RBFOX1: variants seen among roughly 807,000 people sequenced by gnomAD.
RBFOX1 encodes the protein RNA binding protein fox-1 homolog 1.
RBFOX1 carries 8 observed loss-of-function variants against 57.7 expected under a neutral mutation model. The ratio of observed to expected loss-of-function variants is 0.14; its 90% CI spans 0.08 to 0.25. The LOEUF (loss-of-function observed/expected upper bound fraction) is 0.25, where lower values mean the gene tolerates loss of function less well. Ranked by LOEUF, RBFOX1 falls within the 10% of genes least tolerant of loss-of-function variation. The probability of loss-of-function intolerance (pLI) is 1.00; values close to 1 mark genes in which losing one functional copy is unlikely to be tolerated. For missense variants in RBFOX1, 611 were observed against 548.5 expected (o/e 1.11, Z -1.14); for synonymous variants, 326 against 222.4 (o/e 1.47, Z -4.15).
At chr16:7,526,877 A>T (rs1266888011) in intron 5 of RBFOX1, among the ~76,000 whole-genome samples, 1 of 152,210 alleles carries the variant, frequency 6.6e-6, no homozygotes, top group Non-Finnish European at 1.5e-5. Context: ...GCTCAAAAAC[A>T]GGCATGTCAG....
At chr16:5,816,910 C>T (rs999834995) in intron 3 of RBFOX1, among the ~76,000 whole-genome samples, 1 of 152,034 alleles carries the variant, frequency 6.6e-6, no homozygotes, top group East Asian at 1.9e-4. Context: ...TATGGAGTAC[C>T]TGAGATGTGT....
chr16:5,650,994 C>G (rs2049217110), intron 3 of RBFOX1, among the ~76,000 whole-genome samples: 1 of 149,844 alleles, frequency 6.7e-6, no homozygotes. Flanking sequence ...TGTCCCTTCT[C>G]CCTCTCCCTT....
rs185769503 is a variant in RBFOX1, at chr16:6,295,147, C to T, written c.-126-21848C>T. 5.0e-3 allele frequency among the ~76,000 whole-genome samples: 636 copies of T among 128,296 alleles called. 2 individuals are homozygous for T. Among genetic ancestry groups the T allele is most frequent in the Admixed American group, 0.013 (135 of 10,678 alleles). The allele number at this position is 128,296 out of a possible 152,430, so 84.2% of individuals were successfully genotyped here. Reference sequence around the variant, plus strand: ...TTTTTGAGACGGGGTATCTCTCTGTCGGAGTCTCTCTCCATCGCCAGGCTG... The same window carrying T: ...TTTTTGAGACGGGGTATCTCTCTGTTGGAGTCTCTCTCCATCGCCAGGCTG... On this transcript the variant is annotated intron_variant, in intron 1 of 15. Coordinates refer to ENST00000550418, the MANE Select transcript of RBFOX1 (RefSeq NM_018723.4).
chr16:5,661,790 T>G (rs1331044726), intron 3 of RBFOX1, among the ~76,000 whole-genome samples: 1 of 152,096 alleles, frequency 6.6e-6, no homozygotes, highest in East Asian at 1.9e-4. Context: ...ACTTAGCCTT[T>G]TTTTATTTTT....
At chr16:5,958,420 A>G (rs1596301343) in intron 4 of RBFOX1, among the ~76,000 whole-genome samples, 2 of 152,164 alleles carry the variant, frequency 1.3e-5, no homozygotes, top group East Asian at 3.9e-4. Flanking sequence ...CAGTGGTTAT[A>G]AGTGCATAGT....
chr16:7,524,131 C>T (rs1050931716), intron 5 of RBFOX1, among the ~76,000 whole-genome samples: 2 of 152,162 alleles, frequency 1.3e-5, no homozygotes, highest in South Asian at 2.1e-4. Context: ...CTAAGGACAT[C>T]GTAGAGGCCA....
intron 3 of RBFOX1, among the ~76,000 whole-genome samples, chr16:6,847,664 A>G (rs2093829256): frequency 6.6e-6 from 1 of 152,184 alleles, no homozygotes; most frequent in South Asian, 2.1e-4. Flanking sequence ...CCACAGCATA[A>G]CTACAAGAGG....
At chr16:7,320,782 G>C (rs554697550) in intron 4 of RBFOX1, among the ~76,000 whole-genome samples, 1 of 152,360 alleles carries the variant, frequency 6.6e-6, no homozygotes, top group Non-Finnish European at 1.5e-5. Context: ...CAAGCCCAAA[G>C]AATATTTTAA....
intron 1 of RBFOX1, among the ~76,000 whole-genome samples, chr16:6,085,498 C>T (rs996476061): frequency 8.5e-5 from 13 of 152,114 alleles, no homozygotes; most frequent in African/African-American, 2.9e-4. Flanking sequence ...CTCGAACTCC[C>T]GACTTCAGGT....
chr16:6,262,992 G>A (rs1258461921), intron 1 of RBFOX1, among the ~76,000 whole-genome samples: 1 of 152,174 alleles, frequency 6.6e-6, no homozygotes, highest in African/African-American at 2.4e-5. Context: ...ACTTTGAGAT[G>A]ACATCTGATT....
At chr16:5,911,517 C>T (rs955479217) in intron 4 of RBFOX1, among the ~76,000 whole-genome samples, 4 of 152,200 alleles carry the variant, frequency 2.6e-5, no homozygotes, top group Non-Finnish European at 4.4e-5. Flanking sequence ...TGTAAAAGAG[C>T]TGGTGTACGT....
At chr16:7,112,588 A>G (rs17669581) in intron 4 of RBFOX1, among the ~76,000 whole-genome samples, 12,119 of 151,920 alleles carry the variant, frequency 0.08, 695 homozygotes, top group East Asian at 0.24. Context: ...ATAGCTCCAC[A>G]CTGTTTATGG....
At chr16:7,251,637 C>G (rs2094503521) in intron 4 of RBFOX1, among the ~76,000 whole-genome samples, 1 of 152,044 alleles carries the variant, frequency 6.6e-6, no homozygotes. Context: ...CTTGCCTGGT[C>G]TTGAACTCCT....
intron 4 of RBFOX1, among the ~76,000 whole-genome samples, chr16:7,417,774 T>C (rs535487434): frequency 1.3e-5 from 2 of 152,326 alleles, no homozygotes; most frequent in Admixed American, 1.3e-4. Context: ...TGTGAAAGGC[T>C]TCATGTTGGT....
intron 1 of RBFOX1, among the ~76,000 whole-genome samples, chr16:6,120,164 C>G (rs572165166): frequency 6.6e-5 from 10 of 152,238 alleles, no homozygotes; most frequent in African/African-American, 2.2e-4. Context: ...TATGGATAGA[C>G]TATGTATTTA....
chr16:7,053,802 C>T (rs886664431), intron 4 of RBFOX1, among the ~76,000 whole-genome samples: 1 of 152,070 alleles, frequency 6.6e-6, no homozygotes, highest in Admixed American at 6.6e-5. Context: ...CTCCAATAGC[C>T]CCATCTCTAA....
chr16:7,003,038 C>G (rs2092970694), intron 3 of RBFOX1, among the ~76,000 whole-genome samples: 1 of 149,366 alleles, frequency 6.7e-6, no homozygotes, highest in African/African-American at 2.5e-5. Context: ...CTTCTTTTTT[C>G]TCTGTTGTGT....
intron 4 of RBFOX1, among the ~76,000 whole-genome samples, chr16:7,182,154 A>C (rs1017047177): frequency 6.6e-6 from 1 of 152,176 alleles, no homozygotes; most frequent in Admixed American, 6.5e-5. Flanking sequence ...CCTATTAGGT[A>C]TCTTTGACCT....
In RBFOX1 at chr16:7,139,174, C is replaced by CTGTGTG. The variant is rs1276311817; in HGVS notation, c.27+87077_27+87078insGTGTGT. ...TATAATGCAGATGAAATCAATCTCT[C>CTGTGTG]TCTGTGTGTGTGTGTGTGTGTGTAT... On this transcript the variant is annotated intron_variant, in intron 4 of 15. Transcript: ENST00000550418. Among the ~76,000 whole-genome samples, 134 of 22,768 alleles carry CTGTGTG rather than the reference C, an allele frequency of 5.9e-3. 1 individual carries two copies. Among genetic ancestry groups the CTGTGTG allele is most frequent in the Middle Eastern group, 0.036 (1 of 28 alleles). 14.9% of individuals were successfully genotyped at this position (22,768 alleles called of 152,430 possible). A position where few individuals can be genotyped will look rare whatever the true frequency, so the allele number is the denominator to read the frequency against.
Sources: gnomAD v4.1 joint callset for allele counts (sites outside exome capture counted in the v4.1 genomes callset) on GRCh38, gnomAD v4.1.1 for gene constraint, MANE v1.5 for transcripts, NCBI Gene and HGNC (gene_info 2026-07-23, HGNC 2026-07-21) for gene names.